Variants in AKR1B1 observed in about 807,000 individuals in gnomAD.
AKR1B1 encodes the protein aldo-keto reductase family 1 member B1.
AKR1B1 carries 22 observed loss-of-function variants against 40.4 expected under a neutral mutation model. The observed-to-expected ratio is 0.54, with a 90% CI of 0.39 to 0.78. The LOEUF (loss-of-function observed/expected upper bound fraction) is 0.78. AKR1B1 is among the 30% of genes least tolerant of loss of function. AKR1B1 has a pLI of 0.00. For missense variants in AKR1B1, 357 were observed against 396.7 expected (o/e 0.90, Z 0.85); for synonymous variants, 157 against 149.9 (o/e 1.05, Z -0.35).
Position 134,449,747 on chromosome 7 carries a change from A to G in AKR1B1, c.402T>C (p.Ser134=). Reference sequence around the variant, plus strand: ...CCCACGTGTCCAGAATGTTGGTGTCACTGGGAACCACATTGCCCGACTCAT... The same window carrying G: ...CCCACGTGTCCAGAATGTTGGTGTCGCTGGGAACCACATTGCCCGACTCAT... ...PLDESGNVVP[S]DTNILDTWAA... Residue 134 remains serine (S), a synonymous_variant, in exon 4 of 10, where the codon AGT becomes AGC. Transcript: ENST00000285930. The G allele has an allele frequency of 6.2e-7, 1 of 1,614,140 alleles. No individual in the cohort carries two copies. The highest frequency in any genetic ancestry group is 8.5e-7 in the Non-Finnish European group (1 of 1,179,978).
At chr7:134,448,816 C>A (rs567655303) in intron 5 of AKR1B1, among the ~76,000 whole-genome samples, 181 bp downstream of exon 5, 2 of 152,286 alleles carry the variant, frequency 1.3e-5, no homozygotes, top group East Asian at 3.9e-4. Context: ...CAAACTCTTT[C>A]TTTCCTGTAA....
chr7:134,455,692 T>TC (rs1249304639), intron 1 of AKR1B1, among the ~76,000 whole-genome samples: 1 of 152,122 alleles, frequency 6.6e-6, no homozygotes. Context: ...CAAGTGATTC[T>TC]CCTGCCTCAG....
intron 1 of AKR1B1, among the ~76,000 whole-genome samples, chr7:134,454,187 G>A (rs1036225739): frequency 2.0e-5 from 3 of 152,190 alleles, no homozygotes; most frequent in African/African-American, 4.8e-5. Context: ...TGCCCTTGAT[G>A]GGCAAAACCA....
chr7:134,459,112 C>A, upstream of AKR1B1: 1 of 1,567,584 alleles, frequency 6.4e-7, no homozygotes. Context: ...GCCTTGGCCG[C>A]GGCGCGTACC....
chr7:134,445,288 C>A lies in AKR1B1; in HGVS notation c.858G>T (p.Met286Ile). ...TCCTGTTGTAGCTGAGTAAGGTGGT[C>A]ATATCCTGGCTGCTCAGTTCAAAGT... ...VFDFELSSQD[M>I]TTLLSYNRNW... Residue 286 changes from methionine to isoleucine, a missense_variant, in exon 9 of 10, where the codon ATG becomes ATT. Transcript: ENST00000285930. The A allele has an allele frequency of 6.2e-7, 1 of 1,613,194 alleles. No homozygotes were observed. Among genetic ancestry groups the A allele is most frequent in the South Asian group, 1.1e-5 (1 of 90,712 alleles).
At chr7:134,448,139 C>T in intron 6 of AKR1B1, 78 bp from the exon 7 acceptor site, 9 of 1,249,036 alleles carry the variant, frequency 7.2e-6, no homozygotes, top group Non-Finnish European at 1.0e-5. Flanking sequence ...CCCTAATCCT[C>T]CCATCGACCT....
rs751130934 is a variant in AKR1B1 at position 134,448,052 on chromosome 7, G to A, written c.669C>T (p.Pro223=). 33 of 1,611,988 alleles carry A rather than the reference G, an allele frequency of 2.0e-5. No homozygotes were observed. In the East Asian group the frequency reaches 2.2e-4, roughly 11 times the overall value. Residue 223 remains proline, a synonymous_variant, in exon 7 of 10, where the codon CCC becomes CCT. Coordinates refer to ENST00000285930, the MANE Select transcript of AKR1B1 (RefSeq NM_001628.4). ...GATCCTCCAGGAGAGAAGGGTCCTC[G>A]GGCTTGGCCCTGAGGATAGAAAGAC... The part of the protein sequence containing the change: ...LGSPDRPWAK[P]EDPSLLEDPR...
chr7:134,456,195 G>T (rs775356131), intron 1 of AKR1B1, among the ~76,000 whole-genome samples: 7 of 151,960 alleles, frequency 4.6e-5, no homozygotes, highest in South Asian at 2.1e-4. Context: ...CAAGGGAAAG[G>T]TTTTTTTGTT....
At chr7:134,450,235 C>T (rs996483687) in intron 3 of AKR1B1, among the ~76,000 whole-genome samples, 1 of 152,194 alleles carries the variant, frequency 6.6e-6, no homozygotes, top group Non-Finnish European at 1.5e-5. Context: ...AAAGCTAAAC[C>T]CACACTTTGA....
upstream of AKR1B1, chr7:134,459,177 C>A (rs1035225243): frequency 3.5e-5 from 46 of 1,304,434 alleles, no homozygotes; most frequent in Admixed American, 1.8e-4. Context: ...CGCGCCGCTG[C>A]GCGAAGGAGC....
intron 9 of AKR1B1, 40 bp downstream of exon 9, chr7:134,445,198 T>A (rs1465365943): frequency 6.4e-7 from 1 of 1,550,514 alleles, no homozygotes; most frequent in South Asian, 1.1e-5. Context: ...AGCATCTGAA[T>A]ATCTCCTGGG....
rs769977025 is a variant in AKR1B1 at position 134,448,038 on chromosome 7, A to AG, written c.682dup (p.Leu228ProfsTer16). On this transcript the variant is annotated frameshift_variant, in exon 7 of 10. Coordinates refer to ENST00000285930, the MANE Select transcript of AKR1B1 (RefSeq NM_001628.4). LOFTEE classifies it high-confidence loss of function. The stretch of plus-strand genomic sequence containing the variant: ...CGCCTTGATCCTGGGATCCTCCAGG[A>AG]GAGAAGGGTCCTCGGGCTTGGCCCT... 2 of 1,613,014 alleles carry AG rather than the reference A, an allele frequency of 1.2e-6. No homozygotes were observed. Among genetic ancestry groups the AG allele is most frequent in the Non-Finnish European group, 1.7e-6 (2 of 1,179,840 alleles).
intron 1 of AKR1B1, among the ~76,000 whole-genome samples, chr7:134,452,718 G>A (rs1202403669): frequency 6.6e-6 from 1 of 152,222 alleles, no homozygotes; most frequent in Non-Finnish European, 1.5e-5. Flanking sequence ...CCTTTGGAGA[G>A]CTGGGGTAGA....
rs1372329397 is a variant in AKR1B1 at position 134,445,142 on chromosome 7, G to A, written c.908+96C>T. On this transcript the variant is annotated intron_variant, in intron 9 of 9. Coordinates refer to ENST00000285930, the MANE Select transcript of AKR1B1 (RefSeq NM_001628.4). Reference sequence around the variant, plus strand: ...TGCAAAGCAAGAACAGCTGTGACGAGAGCACATTGGCGCTGAGGCCTGCAG... The same window carrying A: ...TGCAAAGCAAGAACAGCTGTGACGAAAGCACATTGGCGCTGAGGCCTGCAG... The A allele has an allele frequency of 9.2e-6, 10 of 1,081,332 alleles. No individual in the cohort carries two copies. The Admixed American group carries it at 1.8e-4, about 19-fold the overall frequency. The allele number at this position is 1,081,332 out of a possible 1,614,324, so 67.0% of individuals were successfully genotyped here.
chr7:134,451,347 A>G, intron 2 of AKR1B1: 1 of 607,350 alleles, frequency 1.6e-6, no homozygotes, highest in Non-Finnish European at 3.0e-6. Context: ...CCAATCCACA[A>G]CCTCAGCCTC....
At position 134,447,400 on chromosome 7, in the gene AKR1B1, A is replaced by C; in HGVS notation, c.742-19T>G. The C allele has an allele frequency of 2.5e-6, 4 of 1,610,880 alleles. No individual in the cohort carries two copies. The highest frequency in any genetic ancestry group is 3.4e-6 in the Non-Finnish European group (4 of 1,177,286). Reference sequence around the variant, plus strand: ...TCAGGACCTGTGAGCCCAAGGAGACAGTGAGTGTGTATACATGCCAGGCAC... The same window carrying C: ...TCAGGACCTGTGAGCCCAAGGAGACCGTGAGTGTGTATACATGCCAGGCAC... On this transcript the variant is annotated intron_variant, in intron 7 of 9. Transcript: ENST00000285930.
chr7:134,451,865 A>G, intron 1 of AKR1B1, 112 bp from the exon 2 acceptor site: 1 of 1,199,456 alleles, frequency 8.3e-7, no homozygotes, highest in Non-Finnish European at 1.2e-6. Context: ...TGTTCAGCAA[A>G]GACAGACCAC....
chr7:134,459,170 G>A, upstream of AKR1B1: 4 of 1,370,748 alleles, frequency 2.9e-6, no homozygotes, highest in Non-Finnish European at 4.0e-6. Context: ...CGGTTGGCGC[G>A]CCGCTGCGCG....
At chr7:134,443,499 G>A (rs1415267889) in intron 9 of AKR1B1, among the ~76,000 whole-genome samples, 2 of 152,084 alleles carry the variant, frequency 1.3e-5, no homozygotes, top group African/African-American at 2.4e-5. Flanking sequence ...AGGACAGAGG[G>A]AGCCTCCTTG....
Sources: allele counts gnomAD v4.1 joint callset (sites outside exome capture counted in the v4.1 genomes callset), GRCh38; gene constraint gnomAD v4.1.1; transcripts MANE v1.5; gene names NCBI Gene and HGNC (gene_info 2026-07-23, HGNC 2026-07-21).